The following PRLR variants were observed in gnomAD, a reference collection of about 807,000 sequenced individuals.
PRLR encodes prolactin receptor, also known as hPRL receptor.
A neutral mutation model predicts 40.2 loss-of-function variants in PRLR; 13 were observed. The observed-to-expected ratio is 0.32, with a 90% CI of 0.21 to 0.51. The LOEUF (loss-of-function observed/expected upper bound fraction) is 0.51. Among genes scored for constraint, PRLR ranks in the 20% least tolerant of loss-of-function variants. The pLI, the probability that PRLR is intolerant of heterozygous loss-of-function variation, is 0.97. For synonymous variants in PRLR, 269 were observed against 278.7 expected (o/e 0.97, Z 0.35); for missense variants, 656 against 747.3 (o/e 0.88, Z 1.42).
chr5:35,223,084 C>G (rs996607613), intron 1 of PRLR, among the ~76,000 whole-genome samples: 1 of 152,196 alleles, frequency 6.6e-6, no homozygotes. Context: ...GCCACATCAT[C>G]CAAGTAGACA....
At position 35,065,784 on chromosome 5, in the gene PRLR, A is replaced by G. The variant is rs767476376; in HGVS notation, c.1174T>C (p.Trp392Arg). ...TCCATGCTTATGCACTGGGGGTCCC[A>G]GGTGTGGGTTGTTTCAGGATTCTCT... ...KPENPETTHT[W>R]DPQCISMEGK... Residue 392 changes from tryptophan (W) to arginine (R), a missense_variant, in exon 10 of 10, where the codon TGG becomes CGG. Coordinates refer to ENST00000618457, the MANE Select transcript of PRLR (RefSeq NM_000949.7). The G allele has an allele frequency of 1.7e-5, 28 of 1,614,026 alleles. No individual in the cohort carries two copies. Among genetic ancestry groups the G allele is most frequent in the Non-Finnish European group, 2.1e-5 (25 of 1,180,022 alleles).
intron 1 of PRLR, among the ~76,000 whole-genome samples, chr5:35,153,759 A>C (rs112698281): frequency 1.4e-5 from 2 of 138,664 alleles, no homozygotes; most frequent in Admixed American, 6.9e-5. Context: ...TACACACACT[A>C]CACACACACA....
At chr5:35,222,717 T>A (rs10070880) in intron 1 of PRLR, among the ~76,000 whole-genome samples, 88,757 of 151,616 alleles carry the variant, frequency 0.59, 27,343 homozygotes, top group Non-Finnish European at 0.69. Flanking sequence ...GTAGACTCAC[T>A]TTGGGAGTTT....
intron 1 of PRLR, among the ~76,000 whole-genome samples, chr5:35,198,757 C>CACTT (rs1775802781): frequency 6.6e-6 from 1 of 152,158 alleles, no homozygotes; most frequent in Non-Finnish European, 1.5e-5. Context: ...CACTAGAAAG[C>CACTT]ACTTAGTGTC....
chr5:35,108,794 A>C (rs903533015), intron 2 of PRLR, among the ~76,000 whole-genome samples: 5 of 152,314 alleles, frequency 3.3e-5, no homozygotes, highest in Non-Finnish European at 5.9e-5. Context: ...TACTGCCCAA[A>C]GTAATTTCTA....
intron 2 of PRLR, among the ~76,000 whole-genome samples, chr5:35,098,618 C>G (rs562414669): frequency 1.5e-4 from 23 of 152,166 alleles, no homozygotes; most frequent in Non-Finnish European, 2.9e-4. Flanking sequence ...CACAAAATAA[C>G]TTTACTTTGC....
intron 5 of PRLR, among the ~76,000 whole-genome samples, chr5:35,074,952 A>G (rs532700197): frequency 6.6e-6 from 1 of 152,136 alleles, no homozygotes; most frequent in Non-Finnish European, 1.5e-5. Flanking sequence ...TTCATTTATC[A>G]CCTCCTTAAA....
intron 1 of PRLR, among the ~76,000 whole-genome samples, chr5:35,149,143 T>C (rs1774271460): frequency 6.6e-6 from 1 of 152,152 alleles, no homozygotes; most frequent in African/African-American, 2.4e-5. Flanking sequence ...AAATGTCGAG[T>C]TGCTTAGTAA....
At chr5:35,148,262 C>G (rs1418073288) in intron 1 of PRLR, among the ~76,000 whole-genome samples, 2 of 152,088 alleles carry the variant, frequency 1.3e-5, no homozygotes, top group Admixed American at 6.6e-5. Context: ...GTTAATTATT[C>G]CATACAAACC....
At chr5:35,076,782 G>A (rs1393777288) in intron 5 of PRLR, among the ~76,000 whole-genome samples, 1 of 151,848 alleles carries the variant, frequency 6.6e-6, no homozygotes, top group Non-Finnish European at 1.5e-5. Context: ...AAAACATTAA[G>A]GGCAGCCAGA....
intron 1 of PRLR, among the ~76,000 whole-genome samples, chr5:35,181,891 T>C (rs1775305964): frequency 6.6e-6 from 1 of 152,178 alleles, no homozygotes; most frequent in Non-Finnish European, 1.5e-5. Context: ...GATAGCTGTT[T>C]GGAGGTCTTC....
intron 1 of PRLR, among the ~76,000 whole-genome samples, chr5:35,155,282 C>T (rs1774456307): frequency 6.6e-6 from 1 of 152,176 alleles, no homozygotes; most frequent in Non-Finnish European, 1.5e-5. Context: ...GATCTACACT[C>T]TCTTGTCTGA....
At chr5:35,180,862 A>C (rs1438091288) in intron 1 of PRLR, among the ~76,000 whole-genome samples, 1 of 152,080 alleles carries the variant, frequency 6.6e-6, no homozygotes, top group African/African-American at 2.4e-5. Context: ...GTTTGCTCAG[A>C]ATGATGGTTT....
chr5:35,204,360 C>A (rs898086113), intron 1 of PRLR, among the ~76,000 whole-genome samples: 3 of 152,072 alleles, frequency 2.0e-5, no homozygotes, highest in African/African-American at 7.2e-5. Flanking sequence ...AGATGTTTAG[C>A]TATGCCTTGC....
At chr5:35,213,847 T>C (rs1000696518) in intron 1 of PRLR, among the ~76,000 whole-genome samples, 2 of 152,168 alleles carry the variant, frequency 1.3e-5, no homozygotes, top group East Asian at 1.9e-4. Context: ...GAAACAGGTA[T>C]GCTTTGTTGG....
chr5:35,224,401 A>G (rs1776501436), intron 1 of PRLR, among the ~76,000 whole-genome samples: 3 of 152,218 alleles, frequency 2.0e-5, no homozygotes, highest in Admixed American at 2.0e-4. Flanking sequence ...TCTGGAACCT[A>G]TACAGACTAG....
Position 35,068,107 on chromosome 5 carries a change from G to A in PRLR, c.855+109C>T, listed in dbSNP as rs75841149. 94 of 1,017,476 alleles carry A rather than the reference G, an allele frequency of 9.2e-5. No individual in the cohort carries two copies. The East Asian group carries it at 1.6e-3, about 17-fold the overall frequency. The allele number at this position is 1,017,476 out of a possible 1,614,324, so 63.0% of individuals were successfully genotyped here. ...CTGACCAGGAGAGACAGTCCAAAAAGGCTGGCTGAAACTACCAGGCTGAAC... is the reference window on the plus strand; with the variant it reads ...CTGACCAGGAGAGACAGTCCAAAAAAGCTGGCTGAAACTACCAGGCTGAAC... On this transcript the variant is annotated intron_variant, in intron 9 of 9. Coordinates refer to ENST00000618457, the MANE Select transcript of PRLR (RefSeq NM_000949.7).
At chr5:35,050,287 A>G (rs2112321064) in intron 8 of PRLR, among the ~76,000 whole-genome samples, 1 of 152,336 alleles carries the variant, frequency 6.6e-6, no homozygotes, top group East Asian at 1.9e-4. Flanking sequence ...GATGAAGAGG[A>G]AACTTAGACT....
chr5:35,114,201 G>A (rs904847610), intron 2 of PRLR, among the ~76,000 whole-genome samples: 1 of 152,158 alleles, frequency 6.6e-6, no homozygotes, highest in Admixed American at 6.5e-5. Flanking sequence ...TAACCCCATC[G>A]CTTGAGAGAG....
Sources: gnomAD v4.1 joint callset for allele counts (sites outside exome capture counted in the v4.1 genomes callset) on GRCh38, gnomAD v4.1.1 for gene constraint, MANE v1.5 for transcripts, NCBI Gene and HGNC (gene_info 2026-07-23, HGNC 2026-07-21) for gene names.